The following CABP1 variants were observed in gnomAD, a reference collection of about 807,000 sequenced individuals.
The protein encoded by CABP1 is calcium-binding protein 1.
A neutral mutation model predicts 34.3 loss-of-function variants in CABP1; 17 were observed. The observed-to-expected ratio is 0.50, with a 90% CI of 0.34 to 0.74. The LOEUF is 0.74. Ranked by LOEUF, CABP1 falls within the 30% of genes least tolerant of loss-of-function variation. The probability of loss-of-function intolerance (pLI) is 0.01; values close to 1 mark genes in which losing one functional copy is unlikely to be tolerated. For synonymous variants in CABP1, 198 were observed against 229.2 expected, an observed-to-expected ratio of 0.86 and a Z score of 1.23; for missense variants, 373 against 511.1, an observed-to-expected ratio of 0.73 and a Z score of 2.61.
At chr12:120,656,588 A>G (rs1880242149) in intron 1 of CABP1, among the ~76,000 whole-genome samples, 1 of 152,058 alleles carries the variant, frequency 6.6e-6, no homozygotes, top group Admixed American at 6.6e-5. Context: ...TATCATCCCC[A>G]TTTTACAGAT....
chr12:120,678,483 C>T, the CABP1 span, among the ~76,000 whole-genome samples: 1 of 152,156 alleles, frequency 6.6e-6, no homozygotes, highest in East Asian at 1.9e-4. Flanking sequence ...CCAGCGGTAC[C>T]TGTTATAATT....
chr12:120,641,479 C>A lies in CABP1; in HGVS notation c.654+140C>A. ...TCGGCTCACCTCGTCCTCCCCGGGCCGGCGCCCTTGCCGGCACTCCTCCTC... is the reference window on the plus strand; with the variant it reads ...TCGGCTCACCTCGTCCTCCCCGGGCAGGCGCCCTTGCCGGCACTCCTCCTC... On this transcript the variant is annotated intron_variant, in intron 1 of 5. Transcript: ENST00000316803. The surrounding 1 kb of genome is among the most constrained non-coding windows in gnomAD (Gnocchi z 6.7). 1 of 968,934 alleles carries A rather than the reference C, an allele frequency of 1.0e-6. No homozygotes were observed. Among genetic ancestry groups the A allele is most frequent in the Non-Finnish European group, 1.3e-6 (1 of 748,824 alleles). 60.0% of individuals were successfully genotyped at this position (968,934 alleles called of 1,614,324 possible).
At chr12:120,673,533 G>A in the CABP1 span, among the ~76,000 whole-genome samples, 15 of 152,062 alleles carry the variant, frequency 9.9e-5, no homozygotes, top group South Asian at 3.1e-3. Flanking sequence ...ACAGTGAGCC[G>A]AGATCGTGCC....
chr12:120,674,507 T>G, the CABP1 span, among the ~76,000 whole-genome samples: 1 of 152,218 alleles, frequency 6.6e-6, no homozygotes. Context: ...TGCTGCTTGC[T>G]TCTGCACTCC....
In CABP1 at chr12:120,661,113, C is replaced by T. The variant is rs1880599418; in HGVS notation, c.982C>T (p.Arg328Ter). The T allele has an allele frequency of 6.2e-7, 1 of 1,613,792 alleles. No individual in the cohort carries two copies. Among genetic ancestry groups the T allele is most frequent in the South Asian group, 1.1e-5 (1 of 91,074 alleles). ...GDGEISTSELREAMRKLLGHQ... is the reference protein window; with the variant it reads ...GDGEISTSEL ...TGGGGAAATAAGCACCAGTGAGCTG[C>T]GAGAGGCTATGAGGAAGCTCCTGGG... Residue 328 changes from arginine to a stop codon, truncating the protein, a stop_gained, in exon 5 of 6, where the codon CGA (arginine) becomes TGA (stop). Coordinates refer to ENST00000316803, the MANE Select transcript of CABP1 (RefSeq NM_001033677.2). LOFTEE classifies it high-confidence loss of function. This position sits in a 1 kb window ranked among gnomAD's most constrained non-coding sequence, Gnocchi z 5.1.
intron 1 of CABP1, chr12:120,659,469 C>G (rs189015232): frequency 1.8e-5 from 3 of 165,716 alleles, no homozygotes; most frequent in African/African-American, 4.8e-5. Context: ...CAGGCAAGCT[C>G]TGTTCTCTGA....
In CABP1 at chr12:120,661,299, A is replaced by C; in HGVS notation, c.1087+81A>C. ...CCCTCCAATTGTGTATCCATCATGCAACCATCAATCCGCCCTAATTTTCCA... is the reference window on the plus strand; with the variant it reads ...CCCTCCAATTGTGTATCCATCATGCCACCATCAATCCGCCCTAATTTTCCA... On this transcript the variant is annotated intron_variant, in intron 5 of 5. Coordinates refer to ENST00000316803, the MANE Select transcript of CABP1 (RefSeq NM_001033677.2). The surrounding 1 kb of genome is among the most constrained non-coding windows in gnomAD (Gnocchi z 5.1). The C allele has an allele frequency of 1.3e-6, 2 of 1,509,172 alleles. No individual in the cohort carries two copies. The highest frequency in any genetic ancestry group is 1.8e-6 in the Non-Finnish European group (2 of 1,122,518). The allele number at this position is 1,509,172 out of a possible 1,614,324, so 93.5% of individuals were successfully genotyped here. A position where few individuals can be genotyped will look rare whatever the true frequency, so the allele number is the denominator to read the frequency against.
chr12:120,651,756 A>T (rs566919498), intron 1 of CABP1, among the ~76,000 whole-genome samples: 22 of 152,284 alleles, frequency 1.4e-4, no homozygotes, highest in South Asian at 6.2e-4. Context: ...AGCTGCTCAC[A>T]TCAAATTCCT....
chr12:120,652,596 C>T (rs549368980), intron 1 of CABP1, among the ~76,000 whole-genome samples: 2 of 152,266 alleles, frequency 1.3e-5, no homozygotes, highest in African/African-American at 4.8e-5. Flanking sequence ...GGCTGCCTCT[C>T]TCTTTCCCCT....
intron 1 of CABP1, chr12:120,655,873 A>G (rs1160634570): frequency 1.3e-6 from 2 of 1,535,958 alleles, no homozygotes; most frequent in African/African-American, 2.7e-5. Context: ...CACAGAGGGC[A>G]TCACATTCAG....
the CABP1 span, among the ~76,000 whole-genome samples, chr12:120,676,526 G>A: frequency 1.3e-5 from 2 of 151,896 alleles, no homozygotes; most frequent in East Asian, 3.9e-4. Context: ...CTCCCGGGTT[G>A]AAGCGATTCT....
chr12:120,648,627 TC>T (rs1326653600), intron 1 of CABP1, among the ~76,000 whole-genome samples: 4 of 152,072 alleles, frequency 2.6e-5, no homozygotes, highest in African/African-American at 9.7e-5. Flanking sequence ...ATGTCTGTAA[TC>T]CCAGCACTTC....
chr12:120,651,471 C>T (rs538655625), intron 1 of CABP1, among the ~76,000 whole-genome samples: 4 of 152,144 alleles, frequency 2.6e-5, no homozygotes, highest in Non-Finnish European at 5.9e-5. Flanking sequence ...GTGGGCTCTG[C>T]GTATTTTTCT....
intron 1 of CABP1, among the ~76,000 whole-genome samples, chr12:120,651,192 T>A (rs1879823972): frequency 6.6e-6 from 1 of 152,146 alleles, no homozygotes; most frequent in Non-Finnish European, 1.5e-5. Context: ...ACAACAATAA[T>A]TCTTCCCCAA....
intron 5 of CABP1, chr12:120,662,131 C>CTA (rs1194327239): frequency 6.6e-6 from 1 of 152,294 alleles, no homozygotes; most frequent in Admixed American, 6.5e-5. Context: ...CTTCTCTATC[C>CTA]ATTTATCTGT....
At chr12:120,648,420 C>T (rs1473477076) in intron 1 of CABP1, among the ~76,000 whole-genome samples, 2 of 152,222 alleles carry the variant, frequency 1.3e-5, no homozygotes, top group Non-Finnish European at 2.9e-5. Flanking sequence ...CCTGACATTT[C>T]TCCACTGGAC....
chr12:120,680,301 G>A, the CABP1 span, among the ~76,000 whole-genome samples: 20,391 of 152,184 alleles, frequency 0.13, 1,483 homozygotes, highest in Non-Finnish European at 0.15. Context: ...TGTGGTGTGC[G>A]TTTCAGGAGA....
the CABP1 span, among the ~76,000 whole-genome samples, chr12:120,674,051 G>T: frequency 6.6e-6 from 1 of 152,204 alleles, no homozygotes; most frequent in African/African-American, 2.4e-5. Context: ...AGGGATGGTG[G>T]TGGGAATCTG....
intron 1 of CABP1, among the ~76,000 whole-genome samples, chr12:120,644,982 G>A (rs915296547): frequency 6.6e-6 from 1 of 152,120 alleles, no homozygotes; most frequent in Non-Finnish European, 1.5e-5. Flanking sequence ...TTTTTGTATT[G>A]TTAGTAGAGA....
Sources: allele counts gnomAD v4.1 joint callset (sites outside exome capture counted in the v4.1 genomes callset), GRCh38; gene constraint gnomAD v4.1.1; non-coding constraint Gnocchi (gnomAD v3.1); transcripts MANE v1.5; gene names NCBI Gene and HGNC (gene_info 2026-07-23, HGNC 2026-07-21).